Variants in RAP1GAP2 observed in about 807,000 individuals in gnomAD.
The protein encoded by RAP1GAP2 is RAP1 GTPase activating protein 2.
In RAP1GAP2, 27 loss-of-function variants were observed where a neutral mutation model predicts 95.0. That is an observed-to-expected ratio of 0.28 (90% CI 0.21 to 0.39). The LOEUF (loss-of-function observed/expected upper bound fraction) is 0.39. Among genes scored for constraint, RAP1GAP2 ranks in the 10% least tolerant of loss-of-function variants. The probability of loss-of-function intolerance (pLI) is 1.00; values close to 1 mark genes in which losing one functional copy is unlikely to be tolerated. For synonymous variants in RAP1GAP2, 373 were observed against 380.9 expected, an observed-to-expected ratio of 0.98 and a Z score of 0.24; for missense variants, 771 against 970.0, an observed-to-expected ratio of 0.79 and a Z score of 2.72.
intron 2 of RAP1GAP2, among the ~76,000 whole-genome samples, chr17:2,844,457 C>T (rs1300034965): frequency 6.6e-6 from 1 of 152,128 alleles, no homozygotes; most frequent in African/African-American, 2.4e-5. Flanking sequence ...GGAGGCTAGA[C>T]AGCTGGAAGG....
At position 3,007,858 on chromosome 17, in the gene RAP1GAP2, G is replaced by A. The variant is rs117465670; in HGVS notation, c.1360-153G>A. 2.0e-5 allele frequency among the ~76,000 whole-genome samples: 3 copies of A among 152,240 alleles called. No homozygotes were observed. The East Asian group carries it at 5.8e-4, about 29-fold the overall frequency. The stretch of plus-strand genomic sequence containing the variant: ...TTCATCTTAGCTGCAGCATTTGTGA[G>A]CACGAAGCTCAGCTCAGCAGTAGGT... On this transcript the variant is annotated intron_variant, in intron 16 of 24. Coordinates refer to ENST00000254695, the MANE Select transcript of RAP1GAP2 (RefSeq NM_015085.5).
chr17:2,863,772 T>C (rs1481937643), intron 2 of RAP1GAP2, among the ~76,000 whole-genome samples: 2 of 151,800 alleles, frequency 1.3e-5, no homozygotes, highest in Non-Finnish European at 2.9e-5. Context: ...AGAGTGGAGG[T>C]AGGGCCGGGC....
chr17:2,782,739 G>A (rs542587094), intron 1 of RAP1GAP2, among the ~76,000 whole-genome samples: 1 of 152,314 alleles, frequency 6.6e-6, no homozygotes, highest in African/African-American at 2.4e-5. Flanking sequence ...TCCCTGGCCA[G>A]GCGCGGTGGC....
intron 3 of RAP1GAP2, among the ~76,000 whole-genome samples, chr17:2,944,928 G>A (rs1248508974): frequency 6.6e-6 from 1 of 152,100 alleles, no homozygotes; most frequent in Non-Finnish European, 1.5e-5. Context: ...TGCCACCCAG[G>A]CTGGAGTGCA....
At chr17:2,956,963 C>T (rs1567821196) in intron 3 of RAP1GAP2, among the ~76,000 whole-genome samples, 1 of 152,044 alleles carries the variant, frequency 6.6e-6, no homozygotes, top group Non-Finnish European at 1.5e-5. Context: ...CCCGTCTCTA[C>T]TAAAAATACA....
chr17:2,828,984 C>CTTTTTTTTTT (rs58160165), intron 2 of RAP1GAP2, among the ~76,000 whole-genome samples: 57 of 80,824 alleles, frequency 7.1e-4, no homozygotes, highest in Non-Finnish European at 8.3e-4. Flanking sequence ...TAATTACTTG[C>CTTTTTTTTTT]TTTTTTTTTT....
chr17:2,895,171 G>T (rs1042301145), intron 2 of RAP1GAP2, among the ~76,000 whole-genome samples: 3 of 152,218 alleles, frequency 2.0e-5, no homozygotes, highest in Non-Finnish European at 2.9e-5. Context: ...GGAAAATCAG[G>T]GTGGCCTCCC....
At chr17:2,839,019 A>G (rs192279598) in intron 2 of RAP1GAP2, among the ~76,000 whole-genome samples, 2 of 152,200 alleles carry the variant, frequency 1.3e-5, no homozygotes, top group East Asian at 3.9e-4. Flanking sequence ...AATTATAGAA[A>G]AGGCCAAGTG....
chr17:2,888,497 T>A (rs1488972554), intron 2 of RAP1GAP2, among the ~76,000 whole-genome samples: 2 of 152,188 alleles, frequency 1.3e-5, no homozygotes, highest in African/African-American at 4.8e-5. Context: ...AGCTTCTACG[T>A]TTGCATGAGA....
chr17:3,037,459 G>C lies in RAP1GAP2; in HGVS notation c.*4098G>C, dbSNP rs372651256. 1.3e-5 allele frequency: 2 copies of C among 148,724 alleles called. No individual in the cohort carries two copies. The highest frequency in any genetic ancestry group is 4.9e-5 in the African/African-American group (2 of 40,530). The allele number at this position is 148,724 out of a possible 1,614,324, so 9.2% of individuals were successfully genotyped here. Reference sequence around the variant, plus strand: ...ACACTCCAGCTCGGGGACTGCTGGCGTGTGAATGTGCAGATTCCCCTGTGT... The same window carrying C: ...ACACTCCAGCTCGGGGACTGCTGGCCTGTGAATGTGCAGATTCCCCTGTGT... On this transcript the variant is annotated 3_prime_UTR_variant, in exon 25 of 25. Coordinates refer to ENST00000254695, the MANE Select transcript of RAP1GAP2 (RefSeq NM_015085.5).
At chr17:2,928,732 C>T (rs1237454922) in intron 3 of RAP1GAP2, among the ~76,000 whole-genome samples, 4 of 152,142 alleles carry the variant, frequency 2.6e-5, no homozygotes, top group East Asian at 1.9e-4. Flanking sequence ...TAATTCTCCT[C>T]GCTTGATGCG....
At chr17:2,981,079 A>T (rs1406590348) in intron 9 of RAP1GAP2, 116 bp from the exon 10 acceptor site, 7 of 879,034 alleles carry the variant, frequency 8.0e-6, no homozygotes, top group African/African-American at 3.3e-5. Context: ...ATCCCCGCCC[A>T]GGCCTCCTGA....
chr17:2,927,005 CAAA>C (rs1242428206), intron 3 of RAP1GAP2, among the ~76,000 whole-genome samples: 21 of 54,146 alleles, frequency 3.9e-4, no homozygotes, highest in African/African-American at 1.1e-3. Flanking sequence ...GACTCCATCT[CAAA>C]AAAAAAAAAA....
At chr17:2,795,753 G>T (rs894714253), upstream of RAP1GAP2, among the ~76,000 whole-genome samples, 2 of 152,234 alleles carry the variant, frequency 1.3e-5, no homozygotes, top group Admixed American at 1.3e-4. Context: ...TTGTCAGTAT[G>T]TGAGAAGCGT....
intron 2 of RAP1GAP2, among the ~76,000 whole-genome samples, chr17:2,831,016 T>C (rs544256952): frequency 1.5e-5 from 1 of 64,996 alleles, no homozygotes; most frequent in Admixed American, 1.6e-4. Flanking sequence ...TCCCCTCCTC[T>C]CCCCTCCCTT....
At chr17:2,952,888 T>G (rs1364468035) in intron 3 of RAP1GAP2, among the ~76,000 whole-genome samples, 7 of 152,086 alleles carry the variant, frequency 4.6e-5, no homozygotes, top group Non-Finnish European at 1.0e-4. Context: ...CACTGCAGCC[T>G]CCACCTCTTG....
At chr17:2,772,615 C>T (rs2068417909), upstream of RAP1GAP2, among the ~76,000 whole-genome samples, 2 of 151,426 alleles carry the variant, frequency 1.3e-5, no homozygotes, top group African/African-American at 2.4e-5. Context: ...TTTTTAGTTC[C>T]CGTTATGTGT....
At chr17:2,874,680 T>C (rs891194179) in intron 2 of RAP1GAP2, among the ~76,000 whole-genome samples, 2 of 152,088 alleles carry the variant, frequency 1.3e-5, no homozygotes, top group Admixed American at 6.6e-5. Flanking sequence ...AGGTGCTACA[T>C]CACCCATGGA....
intron 3 of RAP1GAP2, among the ~76,000 whole-genome samples, chr17:2,910,547 C>A (rs1324921986): frequency 6.6e-6 from 1 of 152,220 alleles, no homozygotes; most frequent in Admixed American, 6.5e-5. Context: ...CTTGGCAGTG[C>A]AGGCTCAGGG....
Sources: allele counts gnomAD v4.1 joint callset (sites outside exome capture counted in the v4.1 genomes callset), GRCh38; gene constraint gnomAD v4.1.1; transcripts MANE v1.5; gene names NCBI Gene and HGNC (gene_info 2026-07-23, HGNC 2026-07-21).